GALNT13: variants seen among roughly 807,000 people sequenced by gnomAD.
The protein encoded by GALNT13 is UDP-GalNAc:polypeptide N-acetylgalactosaminyltransferase 13.
Under a neutral mutation model 64.2 loss-of-function variants are expected in GALNT13, and 28 were observed. The observed-to-expected ratio is 0.44, with a 90% confidence interval of 0.32 to 0.60. The LOEUF is 0.60. Among genes scored for constraint, GALNT13 ranks in the 20% least tolerant of loss-of-function variants. The pLI is 0.05. For missense variants in GALNT13, 577 were observed against 669.8 expected (o/e 0.86, Z 1.53); for synonymous variants, 214 against 224.6 (o/e 0.95, Z 0.42).
intron 9 of GALNT13, among the ~76,000 whole-genome samples, chr2:154,367,623 A>G (rs1013714062): frequency 7.2e-5 from 11 of 152,174 alleles, no homozygotes; most frequent in Non-Finnish European, 8.8e-5. Flanking sequence ...TATTTTAGAA[A>G]ATTCCACATT....
chr2:154,358,722 T>G (rs769438036), intron 9 of GALNT13, among the ~76,000 whole-genome samples: 1 of 152,112 alleles, frequency 6.6e-6, no homozygotes. Flanking sequence ...ACATGATCTT[T>G]GAGCACATTT....
chr2:154,242,008 C>A, intron 4 of GALNT13, 22 bp from the exon 5 acceptor site: 1 of 1,491,982 alleles, frequency 6.7e-7, no homozygotes, highest in Non-Finnish European at 9.1e-7. Flanking sequence ...TATTAAGATC[C>A]CTCTTCTTTT....
chr2:153,852,839 T>C, the GALNT13 span, among the ~76,000 whole-genome samples: 2 of 152,156 alleles, frequency 1.3e-5, no homozygotes, highest in African/African-American at 4.8e-5. Context: ...CAAAGGCTTG[T>C]TGTATTCGGG....
At position 154,003,669 on chromosome 2, in the gene GALNT13, A is replaced by G. The variant is rs554442474; in HGVS notation, c.142+59030A>G. On this transcript the variant is annotated intron_variant, in intron 3 of 12. Transcript: ENST00000392825. ...AAATCTCATGTTCTTGTAATCCCCA[A>G]TGTTGGAGATTGGGCCTGGTGGCAG... Among the ~76,000 whole-genome samples, 18 of 152,100 alleles carry G rather than the reference A, an allele frequency of 1.2e-4. No individual in the cohort carries two copies. The East Asian group carries it at 2.1e-3, about 18-fold the overall frequency.
the GALNT13 span, among the ~76,000 whole-genome samples, chr2:153,781,206 C>A: frequency 4.6e-5 from 7 of 152,052 alleles, no homozygotes; most frequent in Admixed American, 1.3e-4. Flanking sequence ...TATCACATAG[C>A]CTAAATATTA....
chr2:154,232,485 G>T (rs1180991023), intron 4 of GALNT13, among the ~76,000 whole-genome samples: 2 of 152,012 alleles, frequency 1.3e-5, no homozygotes, highest in Non-Finnish European at 2.9e-5. Flanking sequence ...TTATATCTAA[G>T]TCCTATTTAT....
chr2:154,046,786 G>A (rs766835799), intron 3 of GALNT13, among the ~76,000 whole-genome samples: 4 of 152,082 alleles, frequency 2.6e-5, no homozygotes, highest in Non-Finnish European at 4.4e-5. Flanking sequence ...AAGATTAAAA[G>A]CCATCTGAGG....
chr2:153,412,157 G>T, the GALNT13 span, among the ~76,000 whole-genome samples: 1 of 152,108 alleles, frequency 6.6e-6, no homozygotes, highest in Non-Finnish European at 1.5e-5. Flanking sequence ...CAAGCTTGCA[G>T]ACAGCCTATT....
At chr2:154,052,267 G>C (rs1699662973) in intron 3 of GALNT13, among the ~76,000 whole-genome samples, 1 of 152,030 alleles carries the variant, frequency 6.6e-6, no homozygotes. Context: ...CATAACCAAG[G>C]TACTATGCTA....
At chr2:153,790,643 G>A in the GALNT13 span, among the ~76,000 whole-genome samples, 102 of 152,262 alleles carry the variant, frequency 6.7e-4, no homozygotes, top group African/African-American at 2.5e-3. Flanking sequence ...ATCTAAATAG[G>A]AAGAGAGGAT....
chr2:154,312,017 G>A (rs1309331194), intron 9 of GALNT13, among the ~76,000 whole-genome samples: 2 of 152,044 alleles, frequency 1.3e-5, no homozygotes, highest in East Asian at 1.9e-4. Flanking sequence ...TGTACAATTT[G>A]TGTAGTTAAC....
At chr2:153,115,554 C>G in the GALNT13 span, among the ~76,000 whole-genome samples, 2 of 151,960 alleles carry the variant, frequency 1.3e-5, no homozygotes, top group Non-Finnish European at 2.9e-5. Context: ...CTTTAGCGCA[C>G]AAGGGAGTAT....
the GALNT13 span, among the ~76,000 whole-genome samples, chr2:153,720,655 A>G: frequency 1.5e-4 from 23 of 151,734 alleles, no homozygotes; most frequent in African/African-American, 4.8e-4. Context: ...CGAGAACTAC[A>G]TGAAGAATGC....
chr2:153,261,891 A>G, the GALNT13 span, among the ~76,000 whole-genome samples: 1 of 152,022 alleles, frequency 6.6e-6, no homozygotes, highest in African/African-American at 2.4e-5. Flanking sequence ...TGTTTGCTCA[A>G]TGACCAAGGG....
chr2:153,754,303 C>A, the GALNT13 span, among the ~76,000 whole-genome samples: 1 of 152,160 alleles, frequency 6.6e-6, no homozygotes, highest in East Asian at 1.9e-4. Flanking sequence ...TGGGAATGTG[C>A]TCAGTCTCAC....
At chr2:153,826,444 G>T in the GALNT13 span, among the ~76,000 whole-genome samples, 2 of 152,094 alleles carry the variant, frequency 1.3e-5, no homozygotes, top group Non-Finnish European at 2.9e-5. Flanking sequence ...CATGAGTTTT[G>T]GAGAGGACAA....
chr2:154,109,014 G>C (rs1307525968), intron 3 of GALNT13, among the ~76,000 whole-genome samples: 1 of 151,850 alleles, frequency 6.6e-6, no homozygotes, highest in African/African-American at 2.4e-5. Context: ...GATTACCTTG[G>C]TTATTTGAGG....
chr2:154,232,653 A>C (rs145850508), intron 4 of GALNT13, among the ~76,000 whole-genome samples: 3 of 152,122 alleles, frequency 2.0e-5, no homozygotes, highest in Admixed American at 6.6e-5. Flanking sequence ...ATCAGATTGC[A>C]TGGGTTTGAA....
At chr2:153,288,678 C>G in the GALNT13 span, among the ~76,000 whole-genome samples, 2 of 152,156 alleles carry the variant, frequency 1.3e-5, no homozygotes, top group South Asian at 4.1e-4. Flanking sequence ...GTGATGTTGG[C>G]ATGTTGTTAT....
Sources: allele counts gnomAD v4.1 joint callset (sites outside exome capture counted in the v4.1 genomes callset), GRCh38; gene constraint gnomAD v4.1.1; transcripts MANE v1.5; gene names NCBI Gene and HGNC (gene_info 2026-07-23, HGNC 2026-07-21).